The following CSMD1 variants were observed in gnomAD, a reference collection of about 807,000 sequenced individuals.
CSMD1 encodes the protein CUB and sushi domain-containing protein 1.
Under a neutral mutation model 417.5 loss-of-function variants are expected in CSMD1, and 213 were observed. The observed-to-expected ratio is 0.51, with a 90% CI of 0.46 to 0.57. CSMD1 has a LOEUF of 0.57. Among genes scored for constraint, CSMD1 ranks in the 20% least tolerant of loss-of-function variants. The pLI, the probability that CSMD1 is intolerant of heterozygous loss-of-function variation, is 0.00. For missense variants in CSMD1, 6,923 were observed against 4,529.7 expected, an observed-to-expected ratio of 1.53 and a Z score of -15.17; for synonymous variants, 2,862 against 1,736.8, an observed-to-expected ratio of 1.65 and a Z score of -16.11.
At chr8:4,748,907 T>A (rs957292964) in intron 1 of CSMD1, among the ~76,000 whole-genome samples, 3 of 152,222 alleles carry the variant, frequency 2.0e-5, no homozygotes, top group Non-Finnish European at 4.4e-5. Context: ...ACTCTGAAGG[T>A]TCTCTGCTGC....
chr8:3,957,498 C>T (rs973791040), intron 5 of CSMD1, among the ~76,000 whole-genome samples: 2 of 151,564 alleles, frequency 1.3e-5, no homozygotes, highest in Non-Finnish European at 2.9e-5. Context: ...GCAACATGGC[C>T]GCACTCTTCT....
chr8:3,082,333 C>T (rs143533030), intron 49 of CSMD1, among the ~76,000 whole-genome samples: 111 of 152,302 alleles, frequency 7.3e-4, no homozygotes, highest in African/African-American at 2.4e-3. Flanking sequence ...CTGAAAGCCA[C>T]GTAAACTTGC....
intron 7 of CSMD1, among the ~76,000 whole-genome samples, chr8:3,691,143 G>A (rs994662448): frequency 6.6e-6 from 1 of 152,076 alleles, no homozygotes; most frequent in Admixed American, 6.5e-5. Flanking sequence ...GGGGCAGGCG[G>A]ATCACCTGAG....
chr8:4,245,867 G>C (rs1315706303), intron 3 of CSMD1, among the ~76,000 whole-genome samples: 2 of 151,978 alleles, frequency 1.3e-5, no homozygotes, highest in South Asian at 2.1e-4. Flanking sequence ...TTGAACATAG[G>C]ACATCTCACA....
intron 5 of CSMD1, among the ~76,000 whole-genome samples, chr8:3,870,968 T>G (rs1197512777): frequency 6.6e-6 from 1 of 151,314 alleles, no homozygotes; most frequent in African/African-American, 2.4e-5. Context: ...TTTATATTCT[T>G]AAATATAAGT....
chr8:3,758,428 T>C (rs1797792971), intron 5 of CSMD1, among the ~76,000 whole-genome samples: 1 of 152,200 alleles, frequency 6.6e-6, no homozygotes. Flanking sequence ...TCATAGACTT[T>C]TGTTGTTTGT....
intron 40 of CSMD1, among the ~76,000 whole-genome samples, chr8:3,150,338 T>C (rs1305331917): frequency 6.6e-6 from 1 of 152,102 alleles, no homozygotes; most frequent in Non-Finnish European, 1.5e-5. Context: ...TCTTCCACAG[T>C]CCTCCTCTTT....
rs532352403 is a variant in CSMD1, at chr8:4,632,824, A to G, written c.302+4518T>C. ...AATATAATGTGCACTGCGTTTTGAAAGACGCATACTATTCAGACCGGTAGA... is the reference window on the plus strand; with the variant it reads ...AATATAATGTGCACTGCGTTTTGAAGGACGCATACTATTCAGACCGGTAGA... On this transcript the variant is annotated intron_variant, in intron 2 of 69. Coordinates refer to ENST00000635120, the MANE Select transcript of CSMD1 (RefSeq NM_033225.6). Among the ~76,000 whole-genome samples the G allele has an allele frequency of 9.8e-5, 15 of 152,298 alleles. 1 individual carries two copies. In the South Asian group the frequency reaches 3.1e-3, roughly 32 times the overall value.
chr8:4,363,644 C>G lies in CSMD1; in HGVS notation c.415+56309G>C, dbSNP rs554013268. On this transcript the variant is annotated intron_variant, in intron 3 of 69. Transcript: ENST00000635120. ...CTGGGAAGGACGGTGCCAGGACATA[C>G]AACTGGCAGGCAGCCTTTAAAAAGC... 6.8e-4 allele frequency among the ~76,000 whole-genome samples: 104 copies of G among 152,336 alleles called. 1 individual carries two copies. The highest frequency in any genetic ancestry group is 1.3e-4 in the Non-Finnish European group (9 of 68,042).
chr8:4,060,021 G>T (rs561479189), intron 3 of CSMD1, among the ~76,000 whole-genome samples: 1 of 152,298 alleles, frequency 6.6e-6, no homozygotes, highest in African/African-American at 2.4e-5. Flanking sequence ...TATCCTTGAT[G>T]AAGTTTGATG....
chr8:3,347,522 G>C (rs1258534440), intron 22 of CSMD1, among the ~76,000 whole-genome samples: 1 of 152,144 alleles, frequency 6.6e-6, no homozygotes, highest in African/African-American at 2.4e-5. Context: ...AACCTTTCCA[G>C]CTTTCCACAG....
At chr8:3,281,095 C>T (rs1584922096) in intron 26 of CSMD1, among the ~76,000 whole-genome samples, 1 of 152,126 alleles carries the variant, frequency 6.6e-6, no homozygotes, top group African/African-American at 2.4e-5. Flanking sequence ...TTAGAGGCAG[C>T]TTTAGGCATA....
chr8:3,762,935 G>A (rs1025463209), intron 5 of CSMD1, among the ~76,000 whole-genome samples: 2 of 151,262 alleles, frequency 1.3e-5, no homozygotes, highest in African/African-American at 4.9e-5. Context: ...GCCCCACAGA[G>A]TGTTCTTTCT....
intron 2 of CSMD1, among the ~76,000 whole-genome samples, chr8:4,436,805 C>G (rs1248776973): frequency 2.0e-5 from 3 of 152,168 alleles, no homozygotes; most frequent in Admixed American, 1.3e-4. Flanking sequence ...TTTCATTTAA[C>G]AATGATCTCC....
chr8:4,797,508 T>G (rs1274237602), intron 1 of CSMD1, among the ~76,000 whole-genome samples: 1 of 152,160 alleles, frequency 6.6e-6, no homozygotes, highest in Non-Finnish European at 1.5e-5. Flanking sequence ...CCAGCACTTT[T>G]AATGCAAAAA....
rs935458545 is a variant in CSMD1, at chr8:4,556,957, T to A, written c.302+80385A>T. ...TAAGTGATATTCAACCTGTATCTGC[T>A]TTATGCTTCTTTATGTAAGCTAATG... On this transcript the variant is annotated intron_variant, in intron 2 of 69. Transcript: ENST00000635120. 2.6e-5 allele frequency among the ~76,000 whole-genome samples: 4 copies of A among 152,228 alleles called. No individual in the cohort carries two copies. In the South Asian group the frequency reaches 8.3e-4, roughly 32 times the overall value.
intron 48 of CSMD1, among the ~76,000 whole-genome samples, chr8:3,088,642 T>G (rs1056426845): frequency 6.6e-6 from 1 of 152,074 alleles, no homozygotes; most frequent in Non-Finnish European, 1.5e-5. Context: ...TTTTTTTTAA[T>G]GGGCTGATTT....
intron 3 of CSMD1, among the ~76,000 whole-genome samples, chr8:4,332,313 C>A (rs1401719980): frequency 1.3e-5 from 2 of 152,066 alleles, no homozygotes; most frequent in African/African-American, 2.4e-5. Flanking sequence ...CTCTTTCAGT[C>A]CTTTCTCATA....
At chr8:3,264,142 C>A (rs1030721359) in intron 26 of CSMD1, among the ~76,000 whole-genome samples, 1 of 152,112 alleles carries the variant, frequency 6.6e-6, no homozygotes, top group Non-Finnish European at 1.5e-5. Flanking sequence ...TCCCAGCTTT[C>A]TAGCAGGTAT....
Sources: gnomAD v4.1 joint callset for allele counts (sites outside exome capture counted in the v4.1 genomes callset) on GRCh38, gnomAD v4.1.1 for gene constraint, MANE v1.5 for transcripts, NCBI Gene and HGNC (gene_info 2026-07-23, HGNC 2026-07-21) for gene names.